IQSEC2: variants seen among roughly 807,000 people sequenced by gnomAD.
The protein encoded by IQSEC2 is IQ motif and SEC7 domain-containing protein 2.
Under a neutral mutation model 74.6 loss-of-function variants are expected in IQSEC2, and 6 were observed. The ratio of observed to expected loss-of-function variants is 0.08; its 90% CI spans 0.04 to 0.16. The LOEUF (loss-of-function observed/expected upper bound fraction) is 0.16, where lower values mean the gene tolerates loss of function less well. Among genes scored for constraint, IQSEC2 ranks in the 10% least tolerant of loss-of-function variants. The pLI, the probability that IQSEC2 is intolerant of heterozygous loss-of-function variation, is 1.00. For synonymous variants in IQSEC2, 494 were observed against 544.5 expected, an observed-to-expected ratio of 0.91 and a Z score of 1.29; for missense variants, 734 against 1,306.2, an observed-to-expected ratio of 0.56 and a Z score of 6.75.
rs781793896 is a variant in IQSEC2 at position 53,241,881 on chromosome X, A to G, written c.2918T>C (p.Val973Ala). Residue 973 changes from valine to alanine, a missense_variant, in exon 10 of 15, where the codon GTT becomes GCT. This residue lies in a region of IQSEC2 where 249 missense variants were observed against 467.9 expected (regional missense o/e 0.53). Coordinates refer to ENST00000642864, the MANE Select transcript of IQSEC2 (RefSeq NM_001111125.3). ...PVLSLPHRRLVCCCQLYEVPD... is the reference protein window; with the variant it reads ...PVLSLPHRRLACCCQLYEVPD... ...CACCTCGTAGAGCTGGCAGCAGCAA[A>G]CCAGTCGACGGTGAGGGAGAGACAG... The G allele has an allele frequency of 8.3e-7, 1 of 1,210,048 alleles. No homozygotes were observed. The highest frequency in any genetic ancestry group is 1.1e-6 in the Non-Finnish European group (1 of 894,678).
At chrX:53,314,601 G>A (rs1556878689) in intron 1 of IQSEC2, among the ~76,000 whole-genome samples, 1 of 111,905 alleles carries the variant, frequency 8.9e-6, no homozygotes, top group Admixed American at 9.5e-5. Flanking sequence ...CAAAGACCTA[G>A]AGGCTAGCAG....
chrX:53,271,851 G>A (rs1345633309), intron 2 of IQSEC2, among the ~76,000 whole-genome samples: 1 of 111,379 alleles, frequency 9.0e-6, no homozygotes, highest in African/African-American at 3.3e-5. Flanking sequence ...GCTTTTTGAG[G>A]GGAATGCAAA....
intron 1 of IQSEC2, among the ~76,000 whole-genome samples, chrX:53,308,182 A>C (rs1459586477): frequency 9.3e-6 from 1 of 107,608 alleles, no homozygotes; most frequent in Non-Finnish European, 1.9e-5. Flanking sequence ...AAAAAAAAAA[A>C]AAAAAGAAGA....
rs1556858627 is a variant in IQSEC2 at position 53,233,204 on chromosome X, G to C, written c.*1015C>G. 1 of 112,285 alleles carries C rather than the reference G, an allele frequency of 8.9e-6. No individual in the cohort carries two copies. Among genetic ancestry groups the C allele is most frequent in the East Asian group, 2.8e-4 (1 of 3,552 alleles). 9.3% of individuals were successfully genotyped at this position (112,285 alleles called of 1,213,427 possible). On this transcript the variant is annotated 3_prime_UTR_variant, in exon 15 of 15. Coordinates refer to ENST00000642864, the MANE Select transcript of IQSEC2 (RefSeq NM_001111125.3). ...GGGCTGGAGAGGCAGCGGAGATTCT[G>C]ACGGACAGAAGGACTCAGGCATTCT...
At chrX:53,318,922 G>A (rs997510372) in intron 1 of IQSEC2, among the ~76,000 whole-genome samples, 6 of 112,892 alleles carry the variant, frequency 5.3e-5, no homozygotes, top group African/African-American at 1.9e-4. Context: ...CACACAGTCG[G>A]TCCTCCCGGA....
chrX:53,291,972 T>C, intron 1 of IQSEC2, 48 bp from the exon 2 acceptor site: 1 of 1,095,422 alleles, frequency 9.1e-7, no homozygotes, highest in Non-Finnish European at 1.2e-6. Context: ...GTATACGCTC[T>C]CTTCTCCCTC....
intron 2 of IQSEC2, among the ~76,000 whole-genome samples, chrX:53,278,638 A>C (rs2074884111): frequency 8.9e-6 from 1 of 112,102 alleles, no homozygotes; most frequent in African/African-American, 3.2e-5. Context: ...AATAAAAGCA[A>C]TTAAGATTAT....
rs782335557 is a variant in IQSEC2 at position 53,248,861 on chromosome X, C to T, written c.2319G>A (p.Gln773=). The part of the protein sequence containing the change: ...LFNKKPEKGI[Q]YLIERGFLSD... Reference sequence around the variant, plus strand: ...ACAGGAAGCCCCGCTCGATCAGATACTGGATACCCTTCTCTGGCTTCCTGC... The same window carrying T: ...ACAGGAAGCCCCGCTCGATCAGATATTGGATACCCTTCTCTGGCTTCCTGC... The change falls in exon 6 of 15, where the codon CAG becomes CAA. Residue 773 remains glutamine, a synonymous_variant. Transcript: ENST00000642864. The T allele has an allele frequency of 5.8e-6, 7 of 1,210,788 alleles. No homozygotes were observed. In the South Asian group the frequency reaches 1.2e-4, roughly 21 times the overall value.
intron 2 of IQSEC2, among the ~76,000 whole-genome samples, chrX:53,271,813 C>T (rs1234838734): frequency 8.9e-6 from 1 of 111,910 alleles, no homozygotes; most frequent in African/African-American, 3.3e-5. Flanking sequence ...TCAACTGACA[C>T]TTTGTCACCA....
chrX:53,269,796 C>T (rs1221034408), intron 2 of IQSEC2, among the ~76,000 whole-genome samples: 1 of 111,175 alleles, frequency 9.0e-6, no homozygotes, highest in Admixed American at 9.6e-5. Context: ...CTTCCGCCCT[C>T]GGCTTACTAG....
At chrX:53,280,767 T>G (rs2074945172) in intron 2 of IQSEC2, among the ~76,000 whole-genome samples, 1 of 111,329 alleles carries the variant, frequency 9.0e-6, no homozygotes, top group South Asian at 3.8e-4. Context: ...GCAGGGAGGC[T>G]GAGGGCCTGG....
chrX:53,241,754 C>A, intron 10 of IQSEC2, 30 bp downstream of exon 10: 1 of 1,209,314 alleles, frequency 8.3e-7, no homozygotes, highest in Non-Finnish European at 1.1e-6. Context: ...CACTCTCTCC[C>A]TCCCATCTCC....
chrX:53,288,034 G>A (rs1294066740), intron 2 of IQSEC2, among the ~76,000 whole-genome samples: 1 of 111,581 alleles, frequency 9.0e-6, no homozygotes, highest in African/African-American at 3.3e-5. Context: ...ACCCCAGACT[G>A]TGAAGCAGTA....
chrX:53,239,867 C>A (rs950486910), intron 10 of IQSEC2, among the ~76,000 whole-genome samples: 18 of 112,267 alleles, frequency 1.6e-4, no homozygotes, highest in African/African-American at 4.5e-4. Context: ...ACACCTCAGG[C>A]GGTCTGCAAG....
At chrX:53,277,269 G>T (rs1287928709) in intron 2 of IQSEC2, among the ~76,000 whole-genome samples, 12 of 109,768 alleles carry the variant, frequency 1.1e-4, no homozygotes, top group Non-Finnish European at 1.7e-4. Flanking sequence ...TGGAGTGCAG[G>T]GGCGCAATCT....
chrX:53,320,318 A>AAGACACGGAACC (rs1213399821), intron 1 of IQSEC2, 99 bp downstream of exon 1: 10 of 798,603 alleles, frequency 1.3e-5, no homozygotes, highest in Middle Eastern at 3.6e-4. Context: ...ACAGGAGAGG[A>AAGACACGGAACC]AGACACGGAA....
intron 4 of IQSEC2, among the ~76,000 whole-genome samples, chrX:53,253,835 T>C (rs2074425032): frequency 9.0e-6 from 1 of 111,603 alleles, no homozygotes; most frequent in African/African-American, 3.3e-5. Flanking sequence ...ATAATCCCTG[T>C]CTCACAGGTC....
rs1395098249 is a variant in IQSEC2 at position 53,266,889 on chromosome X, G to T, written c.738-10828C>A. ...GACAGGGTCCCATGGGGGAATCTGC[G>T]GGGGGGTGGGTGGGGGGAAGGAGGG... is the stretch of plus-strand genomic sequence containing the variant. On this transcript the variant is annotated intron_variant, in intron 2 of 14. Transcript: ENST00000642864. 32 of 602,039 alleles carry T rather than the reference G, an allele frequency of 5.3e-5. No homozygotes were observed. The African/African-American group carries it at 6.2e-4, about 12-fold the overall frequency. 49.6% of individuals were successfully genotyped at this position (602,039 alleles called of 1,213,427 possible).
intron 2 of IQSEC2, among the ~76,000 whole-genome samples, chrX:53,270,972 C>T (rs782085301): frequency 2.7e-5 from 3 of 111,065 alleles, no homozygotes; most frequent in Non-Finnish European, 3.8e-5. Context: ...CCTTCTAAAA[C>T]GCTAATTTGA....
Sources: allele counts gnomAD v4.1 joint callset (sites outside exome capture counted in the v4.1 genomes callset), GRCh38; gene constraint gnomAD v4.1.1; regional missense constraint gnomAD v4.1.1; transcripts MANE v1.5; gene names NCBI Gene and HGNC (gene_info 2026-07-23, HGNC 2026-07-21).